The following PDCD6IP variants were observed in gnomAD, a reference collection of about 807,000 sequenced individuals.
The protein encoded by PDCD6IP is programmed cell death 6 interacting protein.
A neutral mutation model predicts 103.7 loss-of-function variants in PDCD6IP; 43 were observed. The observed-to-expected ratio is 0.41, with a 90% CI of 0.32 to 0.53. The LOEUF (loss-of-function observed/expected upper bound fraction) is 0.53, where lower values mean the gene tolerates loss of function less well. Among genes scored for constraint, PDCD6IP ranks in the 20% least tolerant of loss-of-function variants. The pLI, the probability that PDCD6IP is intolerant of heterozygous loss-of-function variation, is 0.16. For synonymous variants in PDCD6IP, 354 were observed against 378.7 expected (o/e 0.93, Z 0.76); for missense variants, 871 against 1,036.7 (o/e 0.84, Z 2.20).
intron 5 of PDCD6IP, 57 bp downstream of exon 5, chr3:33,825,397 TAAG>T: frequency 1.4e-6 from 2 of 1,399,118 alleles, no homozygotes; most frequent in South Asian, 1.3e-5. Context: ...GCTTTTAAAT[TAAG>T]AAAGTGATTA....
At chr3:33,810,896 A>ACT (rs1553705193) in intron 1 of PDCD6IP, among the ~76,000 whole-genome samples, 1 of 138,124 alleles carries the variant, frequency 7.2e-6, no homozygotes, top group Admixed American at 7.2e-5. Flanking sequence ...ATGTTTGTGG[A>ACT]TTTTTTTTTT....
rs1698012734 is a variant in PDCD6IP at position 33,864,055 on chromosome 3, A to G, written c.2170A>G (p.Thr724Ala). The G allele has an allele frequency of 5.0e-6, 8 of 1,614,090 alleles. No homozygotes were observed. In the East Asian group the frequency reaches 1.8e-4, roughly 36 times the overall value. ...AGAACCTAGTGCTCCTTCAATTCCT[A>G]CACCTGCGTATCAGTCCTCACCAGC... ...AREPSAPSIP[T>A]PAYQSSPAGG... Residue 724 changes from threonine (T) to alanine (A), a missense_variant, in exon 16 of 18, where the codon ACA (threonine) becomes GCA (alanine). Physicochemically the swap from Thr to Ala is moderately conservative, Grantham distance 58. Transcript: ENST00000307296.
chr3:33,807,786 C>G (rs1486821355), intron 1 of PDCD6IP, among the ~76,000 whole-genome samples: 1 of 152,184 alleles, frequency 6.6e-6, no homozygotes, highest in African/African-American at 2.4e-5. Context: ...GGGGTTTTTC[C>G]TCTTGTTATA....
At chr3:33,812,524 A>G (rs1457283277) in intron 2 of PDCD6IP, among the ~76,000 whole-genome samples, 1 of 152,226 alleles carries the variant, frequency 6.6e-6, no homozygotes, top group Non-Finnish European at 1.5e-5. Flanking sequence ...AAAAGTTGCA[A>G]ATGCTGTTTT....
chr3:33,816,321 A>G (rs12632657), intron 3 of PDCD6IP, among the ~76,000 whole-genome samples: 39,813 of 151,762 alleles, frequency 0.26, 5,508 homozygotes, highest in East Asian at 0.39. Flanking sequence ...CCTGACCAAC[A>G]TGGTGAAATC....
intron 13 of PDCD6IP, 148 bp downstream of exon 13, chr3:33,852,884 A>T (rs1361851395): frequency 9.8e-7 from 1 of 1,023,822 alleles, no homozygotes; most frequent in African/African-American, 1.7e-5. Flanking sequence ...TTGTAAAATT[A>T]AACTTGGCAC....
intron 7 of PDCD6IP, among the ~76,000 whole-genome samples, chr3:33,832,665 G>GT (rs1460056216): frequency 2.0e-5 from 3 of 151,900 alleles, no homozygotes; most frequent in Non-Finnish European, 4.4e-5. Context: ...TTAGATTCAC[G>GT]GTATATATTG....
At chr3:33,810,357 C>T (rs1363230833) in intron 1 of PDCD6IP, among the ~76,000 whole-genome samples, 1 of 152,156 alleles carries the variant, frequency 6.6e-6, no homozygotes, top group African/African-American at 2.4e-5. Context: ...AAGCTACCTC[C>T]TGTGCCCTTT....
chr3:33,847,801 G>A (rs955579831), intron 12 of PDCD6IP, among the ~76,000 whole-genome samples: 2 of 152,214 alleles, frequency 1.3e-5, no homozygotes, highest in South Asian at 4.1e-4. Context: ...CTTGTGATTG[G>A]TTGCCTATGA....
At position 33,838,255 on chromosome 3, in the gene PDCD6IP, A is replaced by G. The variant is rs371668410; in HGVS notation, c.1109A>G (p.Tyr370Cys). Residue 370 changes from tyrosine to cysteine, a missense_variant, in exon 9 of 18, where the codon TAT (tyrosine) becomes TGT (cysteine). Physicochemically the swap from Tyr to Cys is radical, Grantham distance 194. This residue lies in a region of PDCD6IP where 266 missense variants were observed against 390.5 expected (regional missense o/e 0.68). Transcript: ENST00000307296. ...PVSVQQSLAA[Y>C]NQRKADLVNR... ...TCAGTACAGCAGTCTTTGGCTGCCT[A>G]TAATCAGAGGAAAGCCGATTTGGTT... is the stretch of plus-strand genomic sequence containing the variant. 17 of 1,613,356 alleles carry G rather than the reference A, an allele frequency of 1.1e-5. No individual in the cohort carries two copies. Among genetic ancestry groups the G allele is most frequent in the East Asian group, 8.9e-5 (4 of 44,876 alleles).
At chr3:33,844,835 A>AT (rs1325487143) in intron 11 of PDCD6IP, among the ~76,000 whole-genome samples, 5 of 152,002 alleles carry the variant, frequency 3.3e-5, no homozygotes, top group African/African-American at 1.2e-4. Context: ...TGGCTTTGTA[A>AT]TTTTTTTCAT....
At chr3:33,843,182 G>C (rs1277114833) in intron 10 of PDCD6IP, among the ~76,000 whole-genome samples, 4 of 152,160 alleles carry the variant, frequency 2.6e-5, no homozygotes, top group Non-Finnish European at 2.9e-5. Context: ...CCAAGGTCCA[G>C]ACAGGCATGT....
intron 12 of PDCD6IP, among the ~76,000 whole-genome samples, chr3:33,848,891 C>A (rs1175927398): frequency 6.6e-6 from 1 of 152,078 alleles, no homozygotes; most frequent in Admixed American, 6.5e-5. Flanking sequence ...CTTTCTACTT[C>A]ATTTTTTAAA....
chr3:33,827,846 T>C (rs1320393597), intron 6 of PDCD6IP: 1 of 152,204 alleles, frequency 6.6e-6, no homozygotes, highest in Non-Finnish European at 1.5e-5. Context: ...TTTTCCTTTT[T>C]ACTAATAAAG....
chr3:33,823,856 G>T (rs1213071263), intron 4 of PDCD6IP, among the ~76,000 whole-genome samples: 1 of 143,352 alleles, frequency 7.0e-6, no homozygotes, highest in Non-Finnish European at 1.5e-5. Context: ...CTGTAACTCA[G>T]TTAGTTAGTA....
At chr3:33,845,024 A>G (rs1021312811) in intron 11 of PDCD6IP, among the ~76,000 whole-genome samples, 10 of 148,356 alleles carry the variant, frequency 6.7e-5, no homozygotes, top group Non-Finnish European at 1.0e-4. Flanking sequence ...TATTATTGAG[A>G]TTTTTCTAAA....
rs1454376674 is a variant in PDCD6IP, at chr3:33,798,839, C to G, written c.111C>G (p.Ala37=). ...ACCCAAGCGGCGGGGAAGAGCAGGC[C>G]CAGTACTGCCGCGCGGCGGAGGAGC... ...QTYPSGGEEQ[A]QYCRAAEELS... The change falls in exon 1 of 18, where the codon GCC becomes GCG. Residue 37 remains alanine (A), a synonymous_variant. Transcript: ENST00000307296. 6.4e-7 allele frequency: 1 copy of G among 1,556,748 alleles called. No homozygotes were observed. The highest frequency in any genetic ancestry group is 8.7e-7 in the Non-Finnish European group (1 of 1,150,344).
At chr3:33,816,339 T>C (rs1451728507) in intron 3 of PDCD6IP, among the ~76,000 whole-genome samples, 1 of 151,804 alleles carries the variant, frequency 6.6e-6, no homozygotes, top group Non-Finnish European at 1.5e-5. Flanking sequence ...ATCCTGTCTC[T>C]ACTAAAAATA....
At chr3:33,846,210 C>T (rs966444455) in intron 12 of PDCD6IP, among the ~76,000 whole-genome samples, 28 of 152,104 alleles carry the variant, frequency 1.8e-4, no homozygotes, top group African/African-American at 5.6e-4. Flanking sequence ...GGAAAACAAG[C>T]GAAAGGGCAA....
Sources: gnomAD v4.1 joint callset for allele counts (sites outside exome capture counted in the v4.1 genomes callset) on GRCh38, gnomAD v4.1.1 for gene constraint, gnomAD v4.1.1 regional missense constraint, MANE v1.5 for transcripts, NCBI Gene and HGNC (gene_info 2026-07-23, HGNC 2026-07-21) for gene names.